Variants in CNTN6 observed in about 807,000 individuals in gnomAD.
CNTN6 encodes the protein contactin-6.
A neutral mutation model predicts 122.8 loss-of-function variants in CNTN6; 137 were observed. That is an observed-to-expected ratio of 1.12 (90% confidence interval 0.97 to 1.29). The LOEUF (loss-of-function observed/expected upper bound fraction) is 1.29. Among genes scored for constraint, CNTN6 ranks in the 50% most tolerant of loss-of-function variants. The pLI, the probability that CNTN6 is intolerant of heterozygous loss-of-function variation, is 0.00. For synonymous variants in CNTN6, 570 were observed against 426.0 expected (o/e 1.34, Z -4.16); for missense variants, 1,634 against 1,223.4 (o/e 1.34, Z -5.01).
chr3:1,175,263 T>C (rs532528409), intron 2 of CNTN6, among the ~76,000 whole-genome samples: 1 of 146,346 alleles, frequency 6.8e-6, no homozygotes, highest in South Asian at 2.2e-4. Context: ...TTTAAGAGCA[T>C]GTAAAAGGAA....
intron 11 of CNTN6, among the ~76,000 whole-genome samples, chr3:1,331,340 A>C (rs902820583): frequency 6.6e-6 from 1 of 152,040 alleles, no homozygotes; most frequent in African/African-American, 2.4e-5. Flanking sequence ...TCTGTGGAAT[A>C]AATGAATGAA....
intron 7 of CNTN6, among the ~76,000 whole-genome samples, chr3:1,321,010 A>T (rs1575690495): frequency 5.9e-5 from 9 of 151,508 alleles, no homozygotes; most frequent in Admixed American, 5.3e-4. Flanking sequence ...ACTTTTTTTT[A>T]AATCGTATAT....
chr3:1,401,648 G>A (rs1695723661), intron 21 of CNTN6, 103 bp downstream of exon 21: 2 of 705,454 alleles, frequency 2.8e-6, no homozygotes, highest in Non-Finnish European at 4.7e-6. Flanking sequence ...GGAAACACTG[G>A]AATCTTTTTC....
intron 2 of CNTN6, among the ~76,000 whole-genome samples, chr3:1,210,030 AT>A (rs1429684127): frequency 2.0e-5 from 3 of 152,124 alleles, no homozygotes; most frequent in African/African-American, 4.8e-5. Flanking sequence ...TATCATCTTT[AT>A]TTTTGAACAT....
At chr3:1,236,219 T>G (rs2094419802) in intron 4 of CNTN6, among the ~76,000 whole-genome samples, 1 of 151,246 alleles carries the variant, frequency 6.6e-6, no homozygotes, top group Non-Finnish European at 1.5e-5. Flanking sequence ...TTTTGCATCC[T>G]CCGTATAGGA....
Position 1,128,083 on chromosome 3 carries a change from C to T in CNTN6, c.-82-19844C>T, listed in dbSNP as rs560046121. Reference sequence around the variant, plus strand: ...GGCTTCCGTTTTGCTACTTGAAGCTCCCACCTTGAGCTGGTTTCACTCACT... The same window carrying T: ...GGCTTCCGTTTTGCTACTTGAAGCTTCCACCTTGAGCTGGTTTCACTCACT... On this transcript the variant is annotated intron_variant, in intron 1 of 22. Coordinates refer to ENST00000446702, the MANE Select transcript of CNTN6 (RefSeq NM_001289080.2). 2.0e-5 allele frequency among the ~76,000 whole-genome samples: 3 copies of T among 152,032 alleles called. No individual in the cohort carries two copies. In the East Asian group the frequency reaches 5.8e-4, roughly 29 times the overall value.
chr3:1,261,367 C>T lies in CNTN6; in HGVS notation c.359-17046C>T, dbSNP rs143157482. On this transcript the variant is annotated intron_variant, in intron 4 of 22. Transcript: ENST00000446702. Reference sequence around the variant, plus strand: ...AAGAATAAGGTAATTAATTGGTTGTCATTGTGGGCAATTGTGGCTCAGTAC... The same window carrying T: ...AAGAATAAGGTAATTAATTGGTTGTTATTGTGGGCAATTGTGGCTCAGTAC... Among the ~76,000 whole-genome samples, 1,389 of 152,208 alleles carry T rather than the reference C, an allele frequency of 9.1e-3. 15 individuals carry two copies. The highest frequency in any genetic ancestry group is 0.055 in the South Asian group (266 of 4,824).
intron 1 of CNTN6, among the ~76,000 whole-genome samples, chr3:1,121,652 A>AT (rs998863965): frequency 2.2e-4 from 33 of 151,704 alleles, no homozygotes; most frequent in Non-Finnish European, 3.5e-4. Context: ...TGCCTTTCTG[A>AT]TTTTTTTTGA....
At chr3:1,339,321 T>C (rs1199853447) in intron 11 of CNTN6, among the ~76,000 whole-genome samples, 2 of 152,178 alleles carry the variant, frequency 1.3e-5, no homozygotes, top group African/African-American at 2.4e-5. Context: ...TGAGGACTAC[T>C]AATTTGTAGT....
intron 2 of CNTN6, among the ~76,000 whole-genome samples, chr3:1,203,667 G>A (rs2093916907): frequency 6.6e-6 from 1 of 152,196 alleles, no homozygotes; most frequent in Non-Finnish European, 1.5e-5. Context: ...GGCATGCTTA[G>A]CAGTGAAACC....
At chr3:1,110,332 C>G (rs1390886811) in intron 1 of CNTN6, among the ~76,000 whole-genome samples, 1 of 151,924 alleles carries the variant, frequency 6.6e-6, no homozygotes, top group Non-Finnish European at 1.5e-5. Context: ...TTGAAGAAAC[C>G]ACATAAAACA....
At chr3:1,136,972 A>G (rs2092491540) in intron 1 of CNTN6, among the ~76,000 whole-genome samples, 1 of 152,164 alleles carries the variant, frequency 6.6e-6, no homozygotes, top group Non-Finnish European at 1.5e-5. Flanking sequence ...CCTGGCATAG[A>G]ATCTCGCTTC....
chr3:1,126,827 A>C (rs2092178765), intron 1 of CNTN6, among the ~76,000 whole-genome samples: 1 of 151,836 alleles, frequency 6.6e-6, no homozygotes, highest in African/African-American at 2.4e-5. Flanking sequence ...CAACATCACC[A>C]AGGAACTTCC....
chr3:1,252,448 A>G (rs1485477840), intron 4 of CNTN6, among the ~76,000 whole-genome samples: 1 of 152,228 alleles, frequency 6.6e-6, no homozygotes, highest in Non-Finnish European at 1.5e-5. Context: ...CACTGTTAAC[A>G]TTAGTAGATT....
At chr3:1,206,004 G>GT (rs1428855724) in intron 2 of CNTN6, among the ~76,000 whole-genome samples, 10 of 152,120 alleles carry the variant, frequency 6.6e-5, no homozygotes, top group Non-Finnish European at 1.3e-4. Context: ...ATTCTTAATA[G>GT]TTTTCTCCTC....
At chr3:1,196,073 TA>T (rs2093773471) in intron 2 of CNTN6, among the ~76,000 whole-genome samples, 1 of 152,210 alleles carries the variant, frequency 6.6e-6, no homozygotes, top group Admixed American at 6.5e-5. Context: ...AATGCAAAAC[TA>T]GACTAATTTG....
chr3:1,312,599 CT>C (rs1257897143), intron 7 of CNTN6, among the ~76,000 whole-genome samples: 5 of 123,666 alleles, frequency 4.0e-5, no homozygotes, highest in African/African-American at 1.3e-4. Flanking sequence ...GTGATTTCAC[CT>C]TTTGCCTCTT....
At chr3:1,342,972 C>G (rs1272977160) in intron 11 of CNTN6, among the ~76,000 whole-genome samples, 1 of 152,086 alleles carries the variant, frequency 6.6e-6, no homozygotes, top group Non-Finnish European at 1.5e-5. Context: ...TCACCTCCTC[C>G]ACCTCTTTCA....
intron 2 of CNTN6, among the ~76,000 whole-genome samples, chr3:1,186,424 T>C (rs963732039): frequency 6.6e-6 from 1 of 151,590 alleles, no homozygotes; most frequent in Non-Finnish European, 1.5e-5. Flanking sequence ...TTTGGCCATT[T>C]TGAGAAACTT....
Sources: gnomAD v4.1 joint callset for allele counts (sites outside exome capture counted in the v4.1 genomes callset) on GRCh38, gnomAD v4.1.1 for gene constraint, MANE v1.5 for transcripts, NCBI Gene and HGNC (gene_info 2026-07-23, HGNC 2026-07-21) for gene names.